Variants in NACC2 observed in about 807,000 individuals in gnomAD.
NACC2 encodes the protein nucleus accumbens-associated protein 2.
NACC2 carries 8 observed loss-of-function variants against 25.1 expected under a neutral mutation model. That is an observed-to-expected ratio of 0.32 (90% CI 0.19 to 0.57). NACC2 has a LOEUF of 0.57. Ranked by LOEUF, NACC2 falls within the 20% of genes least tolerant of loss-of-function variation. The pLI is 0.89. For synonymous variants in NACC2, 435 were observed against 294.7 expected (o/e 1.48, Z -4.88); for missense variants, 644 against 650.2 (o/e 0.99, Z 0.10).
At chr9:136,037,760 C>T (rs989313982) in intron 2 of NACC2, among the ~76,000 whole-genome samples, 2 of 152,020 alleles carry the variant, frequency 1.3e-5, no homozygotes. Flanking sequence ...CCTCCCACCT[C>T]GGCTTCCCAA....
At chr9:136,063,251 C>A (rs1404408001) in intron 1 of NACC2, among the ~76,000 whole-genome samples, 1 of 152,152 alleles carries the variant, frequency 6.6e-6, no homozygotes, top group Non-Finnish European at 1.5e-5. Context: ...CTGTGCAGAG[C>A]ACCTGGGAGC....
At chr9:136,063,907 C>A (rs55730735) in intron 1 of NACC2, among the ~76,000 whole-genome samples, 18,879 of 147,866 alleles carry the variant, frequency 0.13, 1,270 homozygotes, top group Non-Finnish European at 0.15. Flanking sequence ...ACAAAAAAAA[C>A]AAAAATCACT....
chr9:136,059,964 G>A (rs1209810682), intron 1 of NACC2, among the ~76,000 whole-genome samples: 6 of 152,324 alleles, frequency 3.9e-5, no homozygotes, highest in East Asian at 3.9e-4. Flanking sequence ...CAGGGCGCAC[G>A]GGGAGCCGCC....
chr9:136,046,200 G>T (rs1840721700), intron 2 of NACC2, among the ~76,000 whole-genome samples: 1 of 152,170 alleles, frequency 6.6e-6, no homozygotes, highest in South Asian at 2.1e-4. Flanking sequence ...AGGGATGGGG[G>T]TGCAGGGGAG....
chr9:136,092,072 G>T (rs1322950562), intron 1 of NACC2, among the ~76,000 whole-genome samples: 2 of 152,202 alleles, frequency 1.3e-5, no homozygotes, highest in African/African-American at 2.4e-5. Flanking sequence ...AGGCCGGTGT[G>T]GGGGCCACAC....
In NACC2 at chr9:136,020,108, G is replaced by C. The variant is rs1781540778; in HGVS notation, c.887-3679C>G. Among the ~76,000 whole-genome samples, 1 of 152,176 alleles carries C rather than the reference G, an allele frequency of 6.6e-6. No individual in the cohort carries two copies. The highest frequency in any genetic ancestry group is 2.1e-4 in the South Asian group (1 of 4,826). On this transcript the variant is annotated intron_variant, in intron 2 of 5. Transcript: ENST00000277554. The surrounding 1 kb of genome is among the most constrained non-coding windows in gnomAD (Gnocchi z 4.7). ...TCACAAAACAGTGGGAATGCGCTTA[G>C]CATCACCGAACCACGCACGTAAAAG...
intron 2 of NACC2, among the ~76,000 whole-genome samples, chr9:136,023,556 C>T (rs565175170): frequency 6.6e-6 from 1 of 152,314 alleles, no homozygotes; most frequent in East Asian, 1.9e-4. Flanking sequence ...CTCCTACCAG[C>T]ACCAAGCCTG....
At position 136,067,970 on chromosome 9, in the gene NACC2, T is replaced by C. The variant is rs903757324; in HGVS notation, c.-59-17390A>G. Among the ~76,000 whole-genome samples, 2 of 152,254 alleles carry C rather than the reference T, an allele frequency of 1.3e-5. 1 individual carries two copies. The highest frequency in any genetic ancestry group is 3.9e-4 in the East Asian group (2 of 5,190). ...AATAGCATAGGCAACTGTAACACAA[T>C]GGGAAGCATTTGTGTATCGAAACAT... On this transcript the variant is annotated intron_variant, in intron 1 of 5. Transcript: ENST00000277554.
At chr9:136,077,449 A>T (rs993035190) in intron 1 of NACC2, among the ~76,000 whole-genome samples, 1 of 152,256 alleles carries the variant, frequency 6.6e-6, no homozygotes, top group Non-Finnish European at 1.5e-5. Context: ...GTGCTTCATT[A>T]AAATATTGAA....
At position 136,008,898 on chromosome 9, in the gene NACC2, AT is replaced by A. The variant is rs1282193424; in HGVS notation, c.*2617del. 3 of 152,230 alleles carry A rather than the reference AT, an allele frequency of 2.0e-5. No homozygotes were observed. The highest frequency in any genetic ancestry group is 4.4e-5 in the Non-Finnish European group (3 of 68,062). 9.4% of individuals were successfully genotyped at this position (152,230 alleles called of 1,614,324 possible). On this transcript the variant is annotated 3_prime_UTR_variant, in exon 6 of 6. Coordinates refer to ENST00000277554, the MANE Select transcript of NACC2 (RefSeq NM_144653.5). ...AACCCATTCACATTAAATTATTATTATTTAAGTTTTATCTATAGCTCTTGCC... is the reference window on the plus strand; with the variant it reads ...AACCCATTCACATTAAATTATTATTATTAAGTTTTATCTATAGCTCTTGCC...
chr9:136,076,506 G>C (rs1011731546), intron 1 of NACC2, among the ~76,000 whole-genome samples: 8 of 152,182 alleles, frequency 5.3e-5, no homozygotes, highest in African/African-American at 1.9e-4. Flanking sequence ...TTCAGAGACA[G>C]GAAGCAGAAC....
intron 1 of NACC2, among the ~76,000 whole-genome samples, chr9:136,060,921 G>C (rs11103296): frequency 0.13 from 19,102 of 152,256 alleles, 1,514 homozygotes; most frequent in East Asian, 0.38. Context: ...TGAGAGACTG[G>C]GTACAGGGGT....
chr9:136,082,308 C>T (rs2131186653), intron 1 of NACC2, among the ~76,000 whole-genome samples: 1 of 152,338 alleles, frequency 6.6e-6, no homozygotes, highest in South Asian at 2.1e-4. Context: ...GAAGCAGAGG[C>T]CACCCCAAGG....
intron 2 of NACC2, among the ~76,000 whole-genome samples, chr9:136,031,584 C>T (rs941774008): frequency 1.3e-5 from 2 of 152,082 alleles, no homozygotes; most frequent in East Asian, 1.9e-4. Context: ...GTGATCCACC[C>T]GCCTCGGCCT....
chr9:136,088,936 G>C (rs1277815979), intron 1 of NACC2, among the ~76,000 whole-genome samples: 2 of 152,260 alleles, frequency 1.3e-5, no homozygotes, highest in African/African-American at 2.4e-5. Flanking sequence ...TTCTTTGCAA[G>C]TTAATATCAG....
chr9:136,039,090 C>CTT (rs1564226902), intron 2 of NACC2, among the ~76,000 whole-genome samples: 4 of 152,292 alleles, frequency 2.6e-5, no homozygotes, highest in South Asian at 4.1e-4. Flanking sequence ...AAAAAATACA[C>CTT]TTTAAGACAC....
At chr9:136,066,317 TAACTC>T (rs1190488255) in intron 1 of NACC2, among the ~76,000 whole-genome samples, 2 of 150,540 alleles carry the variant, frequency 1.3e-5, no homozygotes, top group Non-Finnish European at 3.0e-5. Flanking sequence ...AAAAGACAAA[TAACTC>T]AATTTAAAAA....
rs115625941 is a variant in NACC2, at chr9:136,084,750, A to C, written c.-60+10439T>G. On this transcript the variant is annotated intron_variant, in intron 1 of 5. Coordinates refer to ENST00000277554, the MANE Select transcript of NACC2 (RefSeq NM_144653.5). The surrounding 1 kb of genome is among the most constrained non-coding windows in gnomAD (Gnocchi z 5.1). ...GCGCACACACACACATACATCACGC[A>C]GCCTGGAGAAGGGACGGGCTCCGCC... 9.5e-3 allele frequency among the ~76,000 whole-genome samples: 1,443 copies of C among 152,346 alleles called. 20 individuals are homozygous for C. Among genetic ancestry groups the C allele is most frequent in the African/African-American group, 0.032 (1,343 of 41,576 alleles).
At chr9:136,053,746 G>A (rs1055324441) in intron 1 of NACC2, among the ~76,000 whole-genome samples, 65 of 152,338 alleles carry the variant, frequency 4.3e-4, no homozygotes, top group African/African-American at 1.4e-3. Flanking sequence ...GGGCAACTTC[G>A]CCCCAAGGAC....
Sources: allele counts gnomAD v4.1 joint callset (sites outside exome capture counted in the v4.1 genomes callset), GRCh38; gene constraint gnomAD v4.1.1; non-coding constraint Gnocchi (gnomAD v3.1); transcripts MANE v1.5; gene names NCBI Gene and HGNC (gene_info 2026-07-23, HGNC 2026-07-21).